RAP1GAP2: variants seen among roughly 807,000 people sequenced by gnomAD.
The protein encoded by RAP1GAP2 is rap1 GTPase-activating protein 2.
A neutral mutation model predicts 95.0 loss-of-function variants in RAP1GAP2; 27 were observed. The observed-to-expected ratio is 0.28, with a 90% confidence interval of 0.21 to 0.39. RAP1GAP2 has a LOEUF of 0.39. Among genes scored for constraint, RAP1GAP2 ranks in the 10% least tolerant of loss-of-function variants. The pLI is 1.00. For synonymous variants in RAP1GAP2, 373 were observed against 380.9 expected, an observed-to-expected ratio of 0.98 and a Z score of 0.24; for missense variants, 771 against 970.0, an observed-to-expected ratio of 0.79 and a Z score of 2.72.
intron 23 of RAP1GAP2, among the ~76,000 whole-genome samples, chr17:3,031,456 G>A (rs941587300): frequency 1.3e-5 from 2 of 151,694 alleles, no homozygotes; most frequent in African/African-American, 4.8e-5. Context: ...ACTATCGAGA[G>A]CTCCAGGTCC....
chr17:2,960,725 G>A (rs890920275), intron 4 of RAP1GAP2, among the ~76,000 whole-genome samples: 3 of 152,224 alleles, frequency 2.0e-5, no homozygotes, highest in African/African-American at 7.2e-5. Flanking sequence ...GAGCTAGCTT[G>A]GGAAGGTCAA....
chr17:2,927,078 C>T (rs1567786409), intron 3 of RAP1GAP2, among the ~76,000 whole-genome samples: 1 of 151,592 alleles, frequency 6.6e-6, no homozygotes, highest in Admixed American at 6.6e-5. Flanking sequence ...ACAATCTATC[C>T]TCTTGTCTTG....
intron 2 of RAP1GAP2, among the ~76,000 whole-genome samples, chr17:2,840,557 C>A (rs774126448): frequency 6.6e-6 from 1 of 152,120 alleles, no homozygotes; most frequent in African/African-American, 2.4e-5. Flanking sequence ...CTATGTTTCC[C>A]AGGCTGGGCT....
chr17:2,882,190 G>A (rs2073329988), intron 2 of RAP1GAP2, among the ~76,000 whole-genome samples: 1 of 143,540 alleles, frequency 7.0e-6, no homozygotes, highest in African/African-American at 2.6e-5. Flanking sequence ...GCAGTGGTGC[G>A]TTCTTGGCTC....
At chr17:2,848,903 TC>T (rs547492412) in intron 2 of RAP1GAP2, among the ~76,000 whole-genome samples, 1 of 152,122 alleles carries the variant, frequency 6.6e-6, no homozygotes, top group African/African-American at 2.4e-5. Context: ...GCCTCCCTCT[TC>T]CCCCTCCTCT....
chr17:2,830,968 CCCTCCCTTCCCCTACCCTTCCCTCCACTT>C (rs2070813142), intron 2 of RAP1GAP2, among the ~76,000 whole-genome samples: 1 of 105,812 alleles, frequency 9.5e-6, no homozygotes. Context: ...CCCTCCCCTT[CCCTCCCTTCCCCTACCCTTCCCTCCACTT>C]CCCTCCCCTC....
At chr17:2,916,975 G>T (rs1437742162) in intron 3 of RAP1GAP2, among the ~76,000 whole-genome samples, 1 of 152,216 alleles carries the variant, frequency 6.6e-6, no homozygotes. Context: ...AGGCGTCTAG[G>T]CCAGCTGAGC....
rs1253083031 is a variant in RAP1GAP2, at chr17:3,005,183, A to G, written c.1201-186A>G. ...GATGAGAGGCTGCGGATGGCCCCAC[A>G]CCGTCCGGCCCCACTTCTAGGAACA... On this transcript the variant is annotated intron_variant, in intron 14 of 24. Transcript: ENST00000254695. The surrounding 1 kb of genome is among the most constrained non-coding windows in gnomAD (Gnocchi z 5.2). Among the ~76,000 whole-genome samples, 2 of 152,046 alleles carry G rather than the reference A, an allele frequency of 1.3e-5. No individual in the cohort carries two copies. Among genetic ancestry groups the G allele is most frequent in the African/African-American group, 2.4e-5 (1 of 41,380 alleles).
intron 2 of RAP1GAP2, among the ~76,000 whole-genome samples, chr17:2,873,519 C>G (rs1198749413): frequency 2.3e-5 from 3 of 128,598 alleles, no homozygotes; most frequent in Admixed American, 8.4e-5. Flanking sequence ...AAAGCAGCAG[C>G]AGCTGCAGAA....
chr17:2,902,320 G>A lies in RAP1GAP2; in HGVS notation c.81-2964G>A, dbSNP rs1021925508. Among the ~76,000 whole-genome samples the A allele has an allele frequency of 2.0e-5, 3 of 151,988 alleles. No individual in the cohort carries two copies. The highest frequency in any genetic ancestry group is 7.3e-5 in the African/African-American group (3 of 41,366). On this transcript the variant is annotated intron_variant, in intron 2 of 24. Coordinates refer to ENST00000254695, the MANE Select transcript of RAP1GAP2 (RefSeq NM_015085.5). This position sits in a 1 kb window ranked among gnomAD's most constrained non-coding sequence, Gnocchi z 4.1. ...CAACCTCCACCTCTTGGGTTCAAGC[G>A]ATTCTCTTGCCTCAGCCTCCCAAGT...
chr17:2,796,606 G>A lies in RAP1GAP2; in HGVS notation c.44+35G>A, dbSNP rs1387171461. The A allele has an allele frequency of 1.9e-6, 3 of 1,551,442 alleles. No individual in the cohort carries two copies. The highest frequency in any genetic ancestry group is 2.6e-6 in the Non-Finnish European group (3 of 1,146,272). On this transcript the variant is annotated intron_variant, in intron 1 of 24. Coordinates refer to ENST00000254695, the MANE Select transcript of RAP1GAP2 (RefSeq NM_015085.5). This position sits in a 1 kb window ranked among gnomAD's most constrained non-coding sequence, Gnocchi z 4.7. ...AGGTGGGAGGGTGGGGGAATGATGG[G>A]AGAGAACTTAGAAGTGAAGTCTTGT...
chr17:2,951,431 C>G (rs140251994), intron 3 of RAP1GAP2, among the ~76,000 whole-genome samples: 2 of 152,118 alleles, frequency 1.3e-5, no homozygotes, highest in African/African-American at 4.8e-5. Context: ...TTCAAGAGGT[C>G]GAACTTGTTG....
intron 1 of RAP1GAP2, among the ~76,000 whole-genome samples, chr17:2,785,695 C>T (rs556689475): frequency 2.0e-5 from 3 of 152,044 alleles, no homozygotes; most frequent in Middle Eastern, 3.2e-3. Flanking sequence ...TCGGGAAGCT[C>T]GGTTCTTAAG....
chr17:2,790,802 C>G, intron 1 of RAP1GAP2, among the ~76,000 whole-genome samples: 1 of 152,222 alleles, frequency 6.6e-6, no homozygotes, highest in South Asian at 2.1e-4. Context: ...CCCGTCCTGC[C>G]CCGAGGGCCA....
chr17:2,865,389 G>C (rs954894930), intron 2 of RAP1GAP2, among the ~76,000 whole-genome samples: 1 of 152,118 alleles, frequency 6.6e-6, no homozygotes, highest in Admixed American at 6.6e-5. Flanking sequence ...CTAAGGGGAG[G>C]GTGGAGCCTA....
chr17:2,963,745 C>G lies in RAP1GAP2; in HGVS notation c.280-111C>G, dbSNP rs1267115875. The G allele has an allele frequency of 5.0e-6, 5 of 990,804 alleles. No homozygotes were observed. Among genetic ancestry groups the G allele is most frequent in the Non-Finnish European group, 1.5e-6 (1 of 679,908 alleles). 61.4% of individuals were successfully genotyped at this position (990,804 alleles called of 1,614,324 possible). ...ATGTCACTGCCTTTGGCCTCAAGTA[C>G]CAGTGGGTACCAGGCCCCACTCCTG... On this transcript the variant is annotated intron_variant, in intron 6 of 24. Coordinates refer to ENST00000254695, the MANE Select transcript of RAP1GAP2 (RefSeq NM_015085.5). This position sits in a 1 kb window ranked among gnomAD's most constrained non-coding sequence, Gnocchi z 4.8.
intron 2 of RAP1GAP2, among the ~76,000 whole-genome samples, chr17:2,823,756 G>T (rs891455810): frequency 2.6e-5 from 4 of 152,204 alleles, no homozygotes; most frequent in Non-Finnish European, 5.9e-5. Context: ...CAATAAGGCA[G>T]CGGGAAAGGG....
intron 1 of RAP1GAP2, among the ~76,000 whole-genome samples, chr17:2,786,946 CTTTTTTTT>C (rs67990731): frequency 1.7e-5 from 1 of 58,252 alleles, no homozygotes; most frequent in Non-Finnish European, 3.0e-5. Context: ...CGCTCCCAGC[CTTTTTTTT>C]TTTTTTTTTT....
At position 2,817,455 on chromosome 17, in the gene RAP1GAP2, T is replaced by C. The variant is rs2070069454; in HGVS notation, c.80+16905T>C. On this transcript the variant is annotated intron_variant, in intron 2 of 24. Transcript: ENST00000254695. Reference sequence around the variant, plus strand: ...ACGTAGGTGTATAAATATCTGGGTCTCTGTTTTCAGTTCTTTTGGGTATCT... The same window carrying C: ...ACGTAGGTGTATAAATATCTGGGTCCCTGTTTTCAGTTCTTTTGGGTATCT... Among the ~76,000 whole-genome samples, 2 of 121,928 alleles carry C rather than the reference T, an allele frequency of 1.6e-5. 1 individual carries two copies. The highest frequency in any genetic ancestry group is 3.9e-5 in the Non-Finnish European group (2 of 50,680). 80.0% of individuals were successfully genotyped at this position (121,928 alleles called of 152,430 possible).
Sources: allele counts gnomAD v4.1 joint callset (sites outside exome capture counted in the v4.1 genomes callset), GRCh38; gene constraint gnomAD v4.1.1; non-coding constraint Gnocchi (gnomAD v3.1); transcripts MANE v1.5; gene names NCBI Gene and HGNC (gene_info 2026-07-23, HGNC 2026-07-21).